Variants in GRAP2 observed in about 807,000 individuals in gnomAD.
GRAP2 encodes the protein GRB2-related adapter protein 2.
A neutral mutation model predicts 43.5 loss-of-function variants in GRAP2; 31 were observed. That is an observed-to-expected ratio of 0.71 (90% CI 0.54 to 0.96). GRAP2 has a LOEUF of 0.96. GRAP2 is among the 40% of genes least tolerant of loss of function. GRAP2 has a pLI of 0.00. For missense variants in GRAP2, 371 were observed against 424.4 expected (o/e 0.87, Z 1.11); for synonymous variants, 156 against 164.8 (o/e 0.95, Z 0.41).
intron 1 of GRAP2, among the ~76,000 whole-genome samples, chr22:39,910,740 T>TA (rs1395868274): frequency 6.9e-6 from 1 of 145,812 alleles, no homozygotes; most frequent in African/African-American, 2.6e-5. Context: ...CACTGTTGAT[T>TA]TAAAAAAAAA....
At chr22:39,932,987 C>T (rs137983) in intron 1 of GRAP2, among the ~76,000 whole-genome samples, 40,481 of 152,040 alleles carry the variant, frequency 0.27, 6,380 homozygotes, top group African/African-American at 0.43. Flanking sequence ...ATGTGCTTGC[C>T]TACCTTACCC....
intron 1 of GRAP2, among the ~76,000 whole-genome samples, chr22:39,928,983 A>C (rs1024957355): frequency 2.6e-5 from 4 of 152,198 alleles, no homozygotes; most frequent in Non-Finnish European, 2.9e-5. Context: ...GTGGTATTTG[A>C]TGCATGTCAT....
upstream of GRAP2, among the ~76,000 whole-genome samples, chr22:39,897,198 C>T (rs2066469327): frequency 6.6e-6 from 1 of 152,164 alleles, no homozygotes; most frequent in Non-Finnish European, 1.5e-5. Context: ...CTCCCACGGT[C>T]TCTCCTGTCT....
intron 1 of GRAP2, among the ~76,000 whole-genome samples, chr22:39,912,238 T>C (rs1048452162): frequency 1.3e-5 from 2 of 152,094 alleles, no homozygotes; most frequent in Non-Finnish European, 2.9e-5. Flanking sequence ...CTGGGCAACA[T>C]AGCGAGATCA....
intron 2 of GRAP2, among the ~76,000 whole-genome samples, chr22:39,951,463 A>G (rs1464513696): frequency 2.7e-5 from 4 of 147,794 alleles, no homozygotes; most frequent in Non-Finnish European, 6.0e-5. Context: ...AATACTTCAG[A>G]TTTTTGCTAT....
At chr22:39,925,360 C>T (rs531439750) in intron 1 of GRAP2, among the ~76,000 whole-genome samples, 1 of 152,312 alleles carries the variant, frequency 6.6e-6, no homozygotes, top group South Asian at 2.1e-4. Flanking sequence ...AATGTGCCTA[C>T]TGTCTCTGCA....
chr22:39,948,246 A>G (rs1049903857), intron 2 of GRAP2: 3 of 152,208 alleles, frequency 2.0e-5, no homozygotes, highest in African/African-American at 4.8e-5. Context: ...TTCAAGATCT[A>G]GTAACATAGT....
At position 39,966,067 on chromosome 22, in the gene GRAP2, C is replaced by T. The variant is rs755910417; in HGVS notation, c.368C>T (p.Pro123Leu). 5 of 1,613,596 alleles carry T rather than the reference C, an allele frequency of 3.1e-6. No individual in the cohort carries two copies. The highest frequency in any genetic ancestry group is 4.2e-6 in the Non-Finnish European group (5 of 1,179,494). ...GNYFLWTEKF[P>L]SLNKLVDYYR... The stretch of plus-strand genomic sequence containing the variant: ...TACTTTCTGTGGACTGAGAAGTTTC[C>T]ATCCCTAAATAAGCTGGTAGACTAC... Residue 123 changes from proline (P) to leucine (L), a missense_variant, in exon 5 of 8, where the codon CCA (proline) becomes CTA (leucine). Pro to Leu is a moderately conservative substitution (Grantham distance 98). Coordinates refer to ENST00000344138, the MANE Select transcript of GRAP2 (RefSeq NM_004810.4).
At chr22:39,926,742 A>G (rs2066705105) in intron 1 of GRAP2, 2 of 985,322 alleles carry the variant, frequency 2.0e-6, no homozygotes, top group Non-Finnish European at 2.4e-6. Flanking sequence ...TGGGGACTGC[A>G]TTAGCGGCCC....
chr22:39,935,045 T>TA (rs2066792603), intron 1 of GRAP2, among the ~76,000 whole-genome samples: 1 of 152,178 alleles, frequency 6.6e-6, no homozygotes, highest in Non-Finnish European at 1.5e-5. Context: ...AAATATTGAA[T>TA]AACTGACAGG....
chr22:39,954,129 C>G (rs1360374161), intron 2 of GRAP2, among the ~76,000 whole-genome samples: 2 of 152,240 alleles, frequency 1.3e-5, no homozygotes, highest in Non-Finnish European at 2.9e-5. Context: ...CAAGTGGTCT[C>G]TCCTCTACAT....
At chr22:39,920,215 G>A (rs2066637028) in intron 1 of GRAP2, among the ~76,000 whole-genome samples, 1 of 152,092 alleles carries the variant, frequency 6.6e-6, no homozygotes. Flanking sequence ...CGCTCCTTTG[G>A]TACACGCTAG....
chr22:39,913,749 C>T (rs2066584021), intron 1 of GRAP2, among the ~76,000 whole-genome samples: 1 of 152,180 alleles, frequency 6.6e-6, no homozygotes, highest in Non-Finnish European at 1.5e-5. Flanking sequence ...CTGCAGCGTG[C>T]ACCTAAATCA....
At chr22:39,960,398 G>A (rs528603449) in intron 4 of GRAP2, 11 of 488,850 alleles carry the variant, frequency 2.3e-5, no homozygotes, top group South Asian at 6.3e-5. Context: ...TTATTTCTAC[G>A]CCCATCTGCC....
At chr22:39,939,913 A>G (rs1392683373) in intron 1 of GRAP2, among the ~76,000 whole-genome samples, 2 of 152,128 alleles carry the variant, frequency 1.3e-5, no homozygotes, top group Non-Finnish European at 2.9e-5. Flanking sequence ...TCTCAAAGTA[A>G]ATAAGTAAAG....
intron 3 of GRAP2, among the ~76,000 whole-genome samples, chr22:39,959,653 G>A (rs1422822709): frequency 6.6e-6 from 1 of 152,274 alleles, no homozygotes; most frequent in East Asian, 1.9e-4. Flanking sequence ...GTTGGCTCCA[G>A]TGCCTGAAGC....
At chr22:39,912,564 G>A (rs1189603808) in intron 1 of GRAP2, among the ~76,000 whole-genome samples, 1 of 152,190 alleles carries the variant, frequency 6.6e-6, no homozygotes. Flanking sequence ...AGAAGCTAGG[G>A]ATGCTGCTGA....
chr22:39,933,134 CT>C (rs1287520373), intron 1 of GRAP2, among the ~76,000 whole-genome samples: 2 of 137,130 alleles, frequency 1.5e-5, no homozygotes, highest in African/African-American at 6.3e-5. Flanking sequence ...GACCCGGTGC[CT>C]TTGTTTAAGT....
At chr22:39,926,507 G>T in intron 1 of GRAP2, 204 of 500,242 alleles carry the variant, frequency 4.1e-4, no homozygotes, top group Non-Finnish European at 4.9e-4. Flanking sequence ...AAAAGGAAAA[G>T]AGCAAAAAAG....
Sources: allele counts gnomAD v4.1 joint callset (sites outside exome capture counted in the v4.1 genomes callset), GRCh38; gene constraint gnomAD v4.1.1; transcripts MANE v1.5; gene names NCBI Gene and HGNC (gene_info 2026-07-23, HGNC 2026-07-21).